Variants in CALCRL observed in about 807,000 individuals in gnomAD.
CALCRL encodes the protein calcitonin gene-related peptide type 1 receptor.
CALCRL carries 27 observed loss-of-function variants against 60.4 expected under a neutral mutation model. The observed-to-expected ratio is 0.45, with a 90% CI of 0.33 to 0.62. The LOEUF (loss-of-function observed/expected upper bound fraction) is 0.62. CALCRL is among the 20% of genes least tolerant of loss of function. The probability of loss-of-function intolerance (pLI) is 0.03; values close to 1 mark genes in which losing one functional copy is unlikely to be tolerated. For missense variants in CALCRL, 424 were observed against 540.7 expected (o/e 0.78, Z 2.14); for synonymous variants, 190 against 182.6 (o/e 1.04, Z -0.33).
intron 12 of CALCRL, among the ~76,000 whole-genome samples, chr2:187,354,196 C>T (rs946970083): frequency 5.9e-5 from 9 of 151,958 alleles, no homozygotes; most frequent in Non-Finnish European, 1.0e-4. Context: ...AACTGACATA[C>T]TCATAAAGTT....
chr2:187,405,317 G>A (rs1198141042), intron 1 of CALCRL, among the ~76,000 whole-genome samples: 1 of 151,980 alleles, frequency 6.6e-6, no homozygotes, highest in African/African-American at 2.4e-5. Context: ...GAGGCTTTGT[G>A]AGCTCATGAA....
chr2:187,363,600 C>T, intron 8 of CALCRL, 98 bp from the exon 9 acceptor site: 4 of 1,225,812 alleles, frequency 3.3e-6, no homozygotes, highest in African/African-American at 3.1e-5. Context: ...GCAGCTGATC[C>T]ACTTTTGAAA....
At chr2:187,353,021 G>A (rs796302704) in intron 12 of CALCRL, among the ~76,000 whole-genome samples, 22 of 151,914 alleles carry the variant, frequency 1.4e-4, no homozygotes, top group Admixed American at 5.9e-4. Flanking sequence ...CAACTTTCTC[G>A]AAGAGACAGT....
At chr2:187,421,929 T>C (rs1689890410) in intron 1 of CALCRL, among the ~76,000 whole-genome samples, 1 of 152,292 alleles carries the variant, frequency 6.6e-6, no homozygotes, top group East Asian at 1.9e-4. Flanking sequence ...TCTTGGCACA[T>C]TATTTCAAGC....
intron 1 of CALCRL, among the ~76,000 whole-genome samples, chr2:187,396,141 TCATTA>T (rs1299959810): frequency 6.7e-6 from 1 of 150,294 alleles, no homozygotes; most frequent in Non-Finnish European, 1.5e-5. Context: ...AATTTTTCTC[TCATTA>T]CATGAGAATT....
intron 1 of CALCRL, among the ~76,000 whole-genome samples, chr2:187,409,734 A>G (rs755946893): frequency 6.6e-6 from 1 of 152,222 alleles, no homozygotes; most frequent in African/African-American, 2.4e-5. Flanking sequence ...AAGGAAGAAG[A>G]TGACCTAATC....
chr2:187,426,575 T>C (rs768807194), intron 1 of CALCRL, among the ~76,000 whole-genome samples: 1 of 152,082 alleles, frequency 6.6e-6, no homozygotes, highest in Non-Finnish European at 1.5e-5. Flanking sequence ...TATCTATTTA[T>C]ATAGAGTGTC....
At chr2:187,367,965 C>G (rs112978400) in intron 8 of CALCRL, among the ~76,000 whole-genome samples, 1 of 151,900 alleles carries the variant, frequency 6.6e-6, no homozygotes, top group Non-Finnish European at 1.5e-5. Context: ...GTAATGAAAC[C>G]GTGTCTTTCA....
In CALCRL at chr2:187,346,310, A is replaced by T; in HGVS notation, c.1260T>A (p.Ser420=). ...FSNSEALRSA[S]YTVSTISDGP... ...CATCACTGATTGTTGACACTGTGTAAGACGCACTACGAAGAGCTTCTGAGT... is the reference window on the plus strand; with the variant it reads ...CATCACTGATTGTTGACACTGTGTATGACGCACTACGAAGAGCTTCTGAGT... The change falls in exon 15 of 15, where the codon TCT becomes TCA. Residue 420 remains serine, a synonymous_variant. Transcript: ENST00000392370. 1 of 1,612,596 alleles carries T rather than the reference A, an allele frequency of 6.2e-7. No individual in the cohort carries two copies. Among genetic ancestry groups the T allele is most frequent in the Non-Finnish European group, 8.5e-7 (1 of 1,179,056 alleles).
chr2:187,407,050 T>C (rs1489481083), intron 1 of CALCRL, among the ~76,000 whole-genome samples: 2 of 152,056 alleles, frequency 1.3e-5, no homozygotes, highest in African/African-American at 4.8e-5. Flanking sequence ...GTGCCTTTTG[T>C]ATGTGCCTTC....
At chr2:187,442,070 T>TTATATATATATATA (rs370387256) in intron 1 of CALCRL, 8 of 127,390 alleles carry the variant, frequency 6.3e-5, no homozygotes, top group African/African-American at 2.4e-4. Context: ...CTTAAAAACA[T>TTATATATATATATA]TATATATATA....
intron 1 of CALCRL, among the ~76,000 whole-genome samples, chr2:187,412,077 G>A (rs1468446819): frequency 6.6e-6 from 1 of 151,846 alleles, no homozygotes; most frequent in Non-Finnish European, 1.5e-5. Flanking sequence ...TGCAGAGGAG[G>A]AACAGGGATC....
chr2:187,353,036 T>C (rs190744774), intron 12 of CALCRL, among the ~76,000 whole-genome samples: 1 of 152,052 alleles, frequency 6.6e-6, no homozygotes, highest in Non-Finnish European at 1.5e-5. Flanking sequence ...GACAGTAGTT[T>C]CTTTGGATGG....
chr2:187,406,275 A>C, intron 1 of CALCRL, among the ~76,000 whole-genome samples: 1 of 152,014 alleles, frequency 6.6e-6, no homozygotes, highest in East Asian at 1.9e-4. Context: ...GAGCAACTCA[A>C]ATAATTTCTT....
chr2:187,350,363 G>T (rs1686471744), intron 14 of CALCRL, among the ~76,000 whole-genome samples: 1 of 151,328 alleles, frequency 6.6e-6, no homozygotes, highest in Non-Finnish European at 1.5e-5. Flanking sequence ...ATTTATAGAG[G>T]TATATAATAA....
intron 8 of CALCRL, among the ~76,000 whole-genome samples, chr2:187,373,677 G>A (rs1574242246): frequency 6.6e-6 from 1 of 152,154 alleles, no homozygotes; most frequent in East Asian, 1.9e-4. Flanking sequence ...CAGACGCTCT[G>A]CTTAACACTG....
intron 1 of CALCRL, among the ~76,000 whole-genome samples, chr2:187,438,119 G>A (rs1690731233): frequency 6.6e-6 from 1 of 152,014 alleles, no homozygotes; most frequent in Non-Finnish European, 1.5e-5. Context: ...AAACAATAAA[G>A]TTAACACTGA....
At chr2:187,414,956 C>T (rs1278282263) in intron 1 of CALCRL, among the ~76,000 whole-genome samples, 10 of 150,564 alleles carry the variant, frequency 6.6e-5, no homozygotes, top group African/African-American at 2.4e-4. Context: ...AAATGAATTT[C>T]CCAGAAAACA....
chr2:187,369,112 C>G (rs1687417918), intron 8 of CALCRL, among the ~76,000 whole-genome samples: 1 of 152,136 alleles, frequency 6.6e-6, no homozygotes, highest in Admixed American at 6.5e-5. Flanking sequence ...CTCCATTATG[C>G]TCCCTCTTCC....
Sources: allele counts gnomAD v4.1 joint callset (sites outside exome capture counted in the v4.1 genomes callset), GRCh38; gene constraint gnomAD v4.1.1; transcripts MANE v1.5; gene names NCBI Gene and HGNC (gene_info 2026-07-23, HGNC 2026-07-21).